Variants in RGS5 observed in about 807,000 individuals in gnomAD.
RGS5 encodes regulator of G protein signaling 5.
In RGS5, 20 loss-of-function variants were observed where a neutral mutation model predicts 18.9. The observed-to-expected ratio is 1.06, with a 90% CI of 0.74 to 1.54. The LOEUF (loss-of-function observed/expected upper bound fraction) is 1.54, where lower values mean the gene tolerates loss of function less well. Among genes scored for constraint, RGS5 ranks in the 40% most tolerant of loss-of-function variants. The pLI, the probability that RGS5 is intolerant of heterozygous loss-of-function variation, is 0.00. For synonymous variants in RGS5, 57 were observed against 76.2 expected, an observed-to-expected ratio of 0.75 and a Z score of 1.31; for missense variants, 201 against 211.8, an observed-to-expected ratio of 0.95 and a Z score of 0.32.
chr1:163,271,589 A>G (rs545642600), intron 2 of RGS5, among the ~76,000 whole-genome samples: 92 of 152,294 alleles, frequency 6.0e-4, no homozygotes, highest in African/African-American at 2.1e-3. Context: ...TTATTAAATC[A>G]GCCCCAATTG....
At chr1:163,174,088 TAAAC>T (rs903493564) in intron 1 of RGS5, among the ~76,000 whole-genome samples, 7 of 151,938 alleles carry the variant, frequency 4.6e-5, no homozygotes, top group East Asian at 1.9e-4. Flanking sequence ...AATAAATAAA[TAAAC>T]AAACAAACAA....
At chr1:163,220,228 A>C (rs1207727616), upstream of RGS5, among the ~76,000 whole-genome samples, 1 of 151,980 alleles carries the variant, frequency 6.6e-6, no homozygotes, top group Non-Finnish European at 1.5e-5. Context: ...ATTATTCTCT[A>C]TGTTTTTCTA....
chr1:163,266,789 G>A (rs1469534037), intron 2 of RGS5: 1 of 152,058 alleles, frequency 6.6e-6, no homozygotes, highest in Admixed American at 6.6e-5. Context: ...TGATTGCATG[G>A]AAAGAGAAAG....
chr1:163,293,637 G>A (rs2101727256), intron 2 of RGS5, among the ~76,000 whole-genome samples: 1 of 152,184 alleles, frequency 6.6e-6, no homozygotes, highest in South Asian at 2.1e-4. Context: ...ACACAATTAT[G>A]CCTTCCCAAC....
intron 2 of RGS5, among the ~76,000 whole-genome samples, chr1:163,302,455 C>T (rs1371677422): frequency 1.3e-5 from 2 of 152,092 alleles, no homozygotes; most frequent in Non-Finnish European, 2.9e-5. Context: ...ACACTAATAG[C>T]CCAAGTTTTT....
chr1:163,178,292 C>T (rs1338368839), intron 1 of RGS5, among the ~76,000 whole-genome samples: 2 of 150,834 alleles, frequency 1.3e-5, no homozygotes, highest in Non-Finnish European at 3.0e-5. Flanking sequence ...GCCTAGAAAA[C>T]AAAAGGGAGA....
chr1:163,240,142 ATC>A (rs1647749709), intron 2 of RGS5, among the ~76,000 whole-genome samples: 2 of 152,164 alleles, frequency 1.3e-5, no homozygotes, highest in African/African-American at 4.8e-5. Flanking sequence ...AAAAAGATAT[ATC>A]AACACAGTGA....
At chr1:163,314,894 G>C (rs1253712774) in intron 1 of RGS5, among the ~76,000 whole-genome samples, 2 of 152,152 alleles carry the variant, frequency 1.3e-5, no homozygotes, top group African/African-American at 4.8e-5. Context: ...AGCTGCCAGG[G>C]CCTTGATCTT....
At position 163,144,445 on chromosome 1, in the gene RGS5, G is replaced by GTT. The variant is rs1289503775; in HGVS notation, c.*2895_*2896dup. 1 of 152,150 alleles carries GTT rather than the reference G, an allele frequency of 6.6e-6. No homozygotes were observed. Among genetic ancestry groups the GTT allele is most frequent in the Non-Finnish European group, 1.5e-5 (1 of 67,972 alleles). 9.4% of individuals were successfully genotyped at this position (152,150 alleles called of 1,614,324 possible). A position where few individuals can be genotyped will look rare whatever the true frequency, so the allele number is the denominator to read the frequency against. On this transcript the variant is annotated 3_prime_UTR_variant, in exon 5 of 5. Coordinates refer to ENST00000313961, the MANE Select transcript of RGS5 (RefSeq NM_003617.4). Reference sequence around the variant, plus strand: ...AGGCAACTACCTGGGCTAATCTTAGGTTTTTTTCTCAAGAGTGAGAACCAT... The same window carrying GTT: ...AGGCAACTACCTGGGCTAATCTTAGGTTTTTTTTTCTCAAGAGTGAGAACCAT...
At chr1:163,211,881 C>T (rs1476209120) in intron 1 of RGS5, 1 of 152,140 alleles carries the variant, frequency 6.6e-6, no homozygotes, top group African/African-American at 2.4e-5. Context: ...CTGTCCCTTT[C>T]CCTGGAGAAC....
intron 2 of RGS5, among the ~76,000 whole-genome samples, chr1:163,292,539 T>C (rs1159635182): frequency 1.3e-5 from 2 of 152,224 alleles, no homozygotes; most frequent in Non-Finnish European, 2.9e-5. Context: ...ATACCAGTAA[T>C]GGGATTGCTG....
intron 1 of RGS5, among the ~76,000 whole-genome samples, chr1:163,188,419 T>C (rs998651949): frequency 6.6e-6 from 1 of 152,134 alleles, no homozygotes; most frequent in Non-Finnish European, 1.5e-5. Context: ...AGTCCTCTGG[T>C]CACCCAAAAG....
chr1:163,198,551 C>T (rs550896159), intron 1 of RGS5, among the ~76,000 whole-genome samples: 1 of 152,190 alleles, frequency 6.6e-6, no homozygotes, highest in African/African-American at 2.4e-5. Flanking sequence ...ACCATAAGCA[C>T]ACAGTTTTAA....
chr1:163,218,747 T>A (rs1237950246), upstream of RGS5, among the ~76,000 whole-genome samples: 2 of 152,068 alleles, frequency 1.3e-5, no homozygotes, highest in Non-Finnish European at 2.9e-5. Context: ...TGAGAGAAAC[T>A]ATGGGAAAAT....
intron 2 of RGS5, among the ~76,000 whole-genome samples, chr1:163,270,958 T>C (rs977752340): frequency 2.6e-5 from 4 of 152,134 alleles, no homozygotes; most frequent in Non-Finnish European, 5.9e-5. Context: ...AGATACAGCT[T>C]TGTTGAGGTA....
chr1:163,290,696 T>C (rs116034316), intron 2 of RGS5, among the ~76,000 whole-genome samples: 3 of 152,018 alleles, frequency 2.0e-5, no homozygotes, highest in South Asian at 2.1e-4. Context: ...TCTCACACTT[T>C]AGGGCTTCCA....
intron 4 of RGS5, among the ~76,000 whole-genome samples, chr1:163,148,859 A>G (rs1001218360): frequency 1.3e-5 from 2 of 152,234 alleles, no homozygotes; most frequent in Admixed American, 1.3e-4. Flanking sequence ...CAAGACAGAA[A>G]TAGAATCCAA....
intron 1 of RGS5, chr1:163,172,474 G>A (rs910156613): frequency 1.4e-6 from 2 of 1,448,768 alleles, no homozygotes; most frequent in African/African-American, 2.8e-5. Context: ...AGAGTTTTTT[G>A]TGGAATGATC....
At chr1:163,176,075 T>C (rs939444749) in intron 1 of RGS5, among the ~76,000 whole-genome samples, 7 of 152,244 alleles carry the variant, frequency 4.6e-5, no homozygotes, top group African/African-American at 1.4e-4. Context: ...TTGTGTCAAA[T>C]ATATTCACAG....
Sources: gnomAD v4.1 joint callset for allele counts (sites outside exome capture counted in the v4.1 genomes callset) on GRCh38, gnomAD v4.1.1 for gene constraint, MANE v1.5 for transcripts, NCBI Gene and HGNC (gene_info 2026-07-23, HGNC 2026-07-21) for gene names.